Variants in ALCAM observed in about 807,000 individuals in gnomAD.
The protein encoded by ALCAM is CD166 antigen.
A neutral mutation model predicts 70.9 loss-of-function variants in ALCAM; 30 were observed. The ratio of observed to expected loss-of-function variants is 0.42; its 90% CI spans 0.32 to 0.57. ALCAM has a LOEUF of 0.57. Among genes scored for constraint, ALCAM ranks in the 20% least tolerant of loss-of-function variants. ALCAM has a pLI of 0.11. For missense variants in ALCAM, 591 were observed against 695.1 expected (o/e 0.85, Z 1.68); for synonymous variants, 249 against 242.5 (o/e 1.03, Z -0.25).
At chr3:105,559,187 G>T (rs1940579735) in intron 14 of ALCAM, among the ~76,000 whole-genome samples, 1 of 146,796 alleles carries the variant, frequency 6.8e-6, no homozygotes, top group Non-Finnish European at 1.5e-5. Flanking sequence ...ATATATACAT[G>T]TATACTTATA....
At chr3:105,546,279 G>A (rs1029258878) in intron 9 of ALCAM, among the ~76,000 whole-genome samples, 1 of 151,390 alleles carries the variant, frequency 6.6e-6, no homozygotes, top group Non-Finnish European at 1.5e-5. Flanking sequence ...AGAAACTGTG[G>A]AGAAATATTT....
At chr3:105,551,587 A>G (rs894643126) in intron 12 of ALCAM, among the ~76,000 whole-genome samples, 1 of 151,622 alleles carries the variant, frequency 6.6e-6, no homozygotes, top group African/African-American at 2.4e-5. Flanking sequence ...TAAAATGGAC[A>G]AAGAGCATGG....
At chr3:105,509,507 C>A (rs1004002202) in intron 1 of ALCAM, among the ~76,000 whole-genome samples, 1 of 151,740 alleles carries the variant, frequency 6.6e-6, no homozygotes, top group Non-Finnish European at 1.5e-5. Context: ...AATTATATGT[C>A]TTCTTTGGAA....
chr3:105,469,693 TG>T (rs577511111), intron 1 of ALCAM, among the ~76,000 whole-genome samples: 306 of 151,244 alleles, frequency 2.0e-3, no homozygotes, highest in Non-Finnish European at 3.8e-3. Flanking sequence ...GTAGGGAAGT[TG>T]GTCTATTTGG....
Position 105,524,207 on chromosome 3 carries a change from G to A in ALCAM, c.175-82G>A, listed in dbSNP as rs1258891434. The A allele has an allele frequency of 3.4e-6, 4 of 1,182,304 alleles. No individual in the cohort carries two copies. The East Asian group carries it at 7.7e-5, about 23-fold the overall frequency. 73.2% of individuals were successfully genotyped at this position (1,182,304 alleles called of 1,614,324 possible). ...AAAATATAGATATTGGTAGAATATG[G>A]CCAAGGAAATGTTATTTTGAATGTA... On this transcript the variant is annotated intron_variant, in intron 2 of 15. Transcript: ENST00000306107.
intron 14 of ALCAM, among the ~76,000 whole-genome samples, chr3:105,563,929 C>T (rs1173843311): frequency 6.6e-6 from 1 of 150,926 alleles, no homozygotes. Context: ...CCTCATGATC[C>T]ACCCGCCTCG....
At chr3:105,432,781 T>C (rs1294762453) in intron 1 of ALCAM, among the ~76,000 whole-genome samples, 1 of 152,102 alleles carries the variant, frequency 6.6e-6, no homozygotes, top group East Asian at 1.9e-4. Flanking sequence ...CATAATAGAA[T>C]GCAAAATGCA....
intron 1 of ALCAM, among the ~76,000 whole-genome samples, chr3:105,453,023 G>C (rs1202775738): frequency 3.3e-5 from 5 of 152,092 alleles, no homozygotes; most frequent in Non-Finnish European, 7.4e-5. Context: ...TCTGTAGGTT[G>C]CCTGTTCACT....
intron 1 of ALCAM, among the ~76,000 whole-genome samples, chr3:105,457,876 T>C (rs969683719): frequency 6.6e-6 from 1 of 152,292 alleles, no homozygotes; most frequent in Non-Finnish European, 1.5e-5. Context: ...ACTCTCCACC[T>C]GGCTAACTCT....
At chr3:105,410,646 T>C (rs1269568033) in intron 1 of ALCAM, among the ~76,000 whole-genome samples, 1 of 152,092 alleles carries the variant, frequency 6.6e-6, no homozygotes, top group Non-Finnish European at 1.5e-5. Flanking sequence ...TCATTTATTC[T>C]GTTTACCTTT....
intron 1 of ALCAM, among the ~76,000 whole-genome samples, chr3:105,478,372 ATTT>A (rs1308357396): frequency 6.6e-6 from 1 of 152,070 alleles, no homozygotes; most frequent in African/African-American, 2.4e-5. Flanking sequence ...TATTTACAGA[ATTT>A]TATGCATTGC....
At position 105,420,123 on chromosome 3, in the gene ALCAM, A is replaced by AT. The variant is rs566772250; in HGVS notation, c.73+52649dup. On this transcript the variant is annotated intron_variant, in intron 1 of 15. Transcript: ENST00000306107. ...AAATAGCAAATATAAAACACTTAAA[A>AT]TTTTTTTCTAAAAGGTAGTATTTCA... Among the ~76,000 whole-genome samples the AT allele has an allele frequency of 2.0e-4, 31 of 151,780 alleles. 1 individual carries two copies. In the East Asian group the frequency reaches 6.0e-3, roughly 29 times the overall value.
intron 6 of ALCAM, among the ~76,000 whole-genome samples, chr3:105,536,108 G>C (rs895788590): frequency 1.5e-5 from 1 of 65,892 alleles, no homozygotes; most frequent in African/African-American, 6.0e-5. Flanking sequence ...TTTTTTTTTT[G>C]TGTGAGACAT....
chr3:105,504,574 C>A (rs1015144951), intron 1 of ALCAM, among the ~76,000 whole-genome samples: 16 of 143,910 alleles, frequency 1.1e-4, no homozygotes, highest in Non-Finnish European at 3.0e-5. Flanking sequence ...TGCAAGCCCA[C>A]GGCCTGCCGG....
rs576279022 is a variant in ALCAM at position 105,384,682 on chromosome 3, C to T, written c.73+17201C>T. Reference sequence around the variant, plus strand: ...ACAACACATTACCACTGATAACTCTCGTTTATTAAATACCTGCTGTACTCC... The same window carrying T: ...ACAACACATTACCACTGATAACTCTTGTTTATTAAATACCTGCTGTACTCC... On this transcript the variant is annotated intron_variant, in intron 1 of 15. Coordinates refer to ENST00000306107, the MANE Select transcript of ALCAM (RefSeq NM_001627.4). 3.3e-5 allele frequency among the ~76,000 whole-genome samples: 5 copies of T among 151,596 alleles called. No homozygotes were observed. The South Asian group carries it at 8.3e-4, about 25-fold the overall frequency.
At chr3:105,438,369 A>G (rs1358358806) in intron 1 of ALCAM, among the ~76,000 whole-genome samples, 3 of 152,134 alleles carry the variant, frequency 2.0e-5, no homozygotes, top group Admixed American at 1.3e-4. Flanking sequence ...ATCTTTATAC[A>G]TAAGGGACAC....
chr3:105,510,435 G>A (rs568121290), intron 1 of ALCAM, among the ~76,000 whole-genome samples: 44 of 152,140 alleles, frequency 2.9e-4, no homozygotes, highest in South Asian at 2.1e-4. Context: ...GTGGCAGTTG[G>A]GTAAGTTATG....
At chr3:105,390,089 G>A (rs924152920) in intron 1 of ALCAM, among the ~76,000 whole-genome samples, 3 of 151,750 alleles carry the variant, frequency 2.0e-5, no homozygotes, top group African/African-American at 4.8e-5. Context: ...GTCTATTCCC[G>A]TGGGTGTATA....
chr3:105,376,044 A>G (rs1349906591), intron 1 of ALCAM, among the ~76,000 whole-genome samples: 2 of 152,130 alleles, frequency 1.3e-5, no homozygotes, highest in Admixed American at 6.5e-5. Context: ...AACTCTCTCC[A>G]GAGTTAAATT....
Sources: gnomAD v4.1 joint callset for allele counts (sites outside exome capture counted in the v4.1 genomes callset) on GRCh38, gnomAD v4.1.1 for gene constraint, MANE v1.5 for transcripts, NCBI Gene and HGNC (gene_info 2026-07-23, HGNC 2026-07-21) for gene names.